Variants in ASTN2 observed in about 807,000 individuals in gnomAD.
ASTN2 encodes astrotactin 2, also known as astrotactin-2.
Under a neutral mutation model 139.8 loss-of-function variants are expected in ASTN2, and 54 were observed. That is an observed-to-expected ratio of 0.39 (90% CI 0.31 to 0.48). ASTN2 has a LOEUF of 0.48. ASTN2 is among the 20% of genes least tolerant of loss of function. The pLI, the probability that ASTN2 is intolerant of heterozygous loss-of-function variation, is 0.95. For missense variants in ASTN2, 1,565 were observed against 1,725.1 expected (o/e 0.91, Z 1.64); for synonymous variants, 756 against 719.5 (o/e 1.05, Z -0.81).
At chr9:116,502,291 A>G (rs938820880) in intron 19 of ASTN2, among the ~76,000 whole-genome samples, 1 of 151,980 alleles carries the variant, frequency 6.6e-6, no homozygotes, top group African/African-American at 2.4e-5. Context: ...GAGACACACA[A>G]CACACAGACA....
intron 20 of ASTN2, among the ~76,000 whole-genome samples, chr9:116,470,637 G>A: frequency 6.6e-6 from 1 of 152,142 alleles, no homozygotes; most frequent in Middle Eastern, 3.2e-3. Flanking sequence ...TCATATCATT[G>A]ATTCTTTTAT....
chr9:116,916,449 C>G (rs1032270086), intron 10 of ASTN2, among the ~76,000 whole-genome samples: 1 of 152,146 alleles, frequency 6.6e-6, no homozygotes, highest in Non-Finnish European at 1.5e-5. Flanking sequence ...ACAGCTTGCC[C>G]AAGATCAGTG....
intron 19 of ASTN2, among the ~76,000 whole-genome samples, chr9:116,507,186 C>T (rs1468125952): frequency 6.6e-6 from 1 of 152,152 alleles, no homozygotes; most frequent in Non-Finnish European, 1.5e-5. Flanking sequence ...TCCAAACTTA[C>T]ACCAATAGTG....
chr9:116,565,671 C>G (rs1853196113), intron 19 of ASTN2, among the ~76,000 whole-genome samples: 1 of 151,522 alleles, frequency 6.6e-6, no homozygotes, highest in South Asian at 2.1e-4. Context: ...TTAGCAGAGA[C>G]AGGGTCTCGC....
At chr9:116,945,781 C>A (rs538700392) in intron 10 of ASTN2, among the ~76,000 whole-genome samples, 8 of 152,170 alleles carry the variant, frequency 5.3e-5, no homozygotes, top group Non-Finnish European at 1.2e-4. Flanking sequence ...TTTTGTGTAT[C>A]AAGGAGTCTT....
chr9:116,820,817 C>A, intron 11 of ASTN2, 34 bp from the exon 12 acceptor site: 1 of 1,590,070 alleles, frequency 6.3e-7, no homozygotes, highest in South Asian at 1.1e-5. Context: ...GTAGTTATGG[C>A]TTGGGAGGTT....
Position 116,657,888 on chromosome 9 carries a change from A to AT in ASTN2, c.2807-6096dup, listed in dbSNP as rs113620338. Reference sequence around the variant, plus strand: ...AAAAGAGAGGTCAGAAAGTAGCAAGATTTTTTTTTTTTTTTTTGAGATGGA... The same window carrying AT: ...AAAAGAGAGGTCAGAAAGTAGCAAGATTTTTTTTTTTTTTTTTTGAGATGGA... On this transcript the variant is annotated intron_variant, in intron 16 of 22. Transcript: ENST00000313400. Among the ~76,000 whole-genome samples the AT allele has an allele frequency of 8.1e-3, 1,089 of 135,046 alleles. 5 individuals are homozygous for AT. Among genetic ancestry groups the AT allele is most frequent in the African/African-American group, 0.019 (717 of 37,398 alleles). 88.6% of individuals were successfully genotyped at this position (135,046 alleles called of 152,430 possible). A position where few individuals can be genotyped will look rare whatever the true frequency, so the allele number is the denominator to read the frequency against.
chr9:117,306,350 G>T (rs1223649385), intron 1 of ASTN2, among the ~76,000 whole-genome samples: 1 of 152,172 alleles, frequency 6.6e-6, no homozygotes, highest in Non-Finnish European at 1.5e-5. Flanking sequence ...GAGAACAGGG[G>T]AGTTATCCCA....
chr9:116,625,503 C>T (rs1177224416), intron 17 of ASTN2, among the ~76,000 whole-genome samples: 3 of 152,192 alleles, frequency 2.0e-5, no homozygotes, highest in Admixed American at 2.0e-4. Flanking sequence ...TCTATAGGCA[C>T]TTGCCGTGGC....
intron 7 of ASTN2, among the ~76,000 whole-genome samples, chr9:117,006,800 G>A (rs1226013877): frequency 1.3e-5 from 2 of 151,756 alleles, no homozygotes; most frequent in African/African-American, 4.8e-5. Context: ...TCCCCATCCT[G>A]GCCCCACTAC....
intron 1 of ASTN2, among the ~76,000 whole-genome samples, chr9:117,385,148 A>G (rs759084785): frequency 6.6e-6 from 1 of 152,188 alleles, no homozygotes; most frequent in Non-Finnish European, 1.5e-5. Flanking sequence ...CACATGAATT[A>G]TAAGTACACA....
intron 11 of ASTN2, among the ~76,000 whole-genome samples, chr9:116,836,710 T>A (rs1179973728): frequency 6.6e-6 from 1 of 152,224 alleles, no homozygotes; most frequent in East Asian, 1.9e-4. Flanking sequence ...CTGACCACCA[T>A]GTCTTTCCTT....
rs755162966 is a variant in ASTN2 at position 116,979,591 on chromosome 9, G to A, written c.1592-2806C>T. On this transcript the variant is annotated intron_variant, in intron 7 of 22. Transcript: ENST00000313400. ...ATGAAATATTCACCACTTTAAACAC[G>A]TCTAATATTAAAGATTAAAAGTCCT... Among the ~76,000 whole-genome samples the A allele has an allele frequency of 2.3e-4, 35 of 152,092 alleles. 1 individual carries two copies. Among genetic ancestry groups the A allele is most frequent in the African/African-American group, 6.5e-4 (27 of 41,408 alleles).
intron 2 of ASTN2, among the ~76,000 whole-genome samples, chr9:117,286,522 A>T (rs1181050413): frequency 6.6e-6 from 1 of 152,098 alleles, no homozygotes; most frequent in African/African-American, 2.4e-5. Context: ...GGATACCAAC[A>T]CTAAAAGAAC....
rs547357106 is a variant in ASTN2 at position 116,727,520 on chromosome 9, G to A, written c.2626+1472C>T. 1.3e-4 allele frequency among the ~76,000 whole-genome samples: 14 copies of A among 106,870 alleles called. No individual in the cohort carries two copies. In the East Asian group the frequency reaches 4.2e-3, roughly 32 times the overall value. The allele number at this position is 106,870 out of a possible 152,430, so 70.1% of individuals were successfully genotyped here. On this transcript the variant is annotated intron_variant, in intron 15 of 22. Coordinates refer to ENST00000313400, the MANE Select transcript of ASTN2 (RefSeq NM_001365068.1). ...CTTATTCACAAATGCAGTGTGGGGT[G>A]TGGGGGGCAGAAAACAAAAATAGGG... is the stretch of plus-strand genomic sequence containing the variant.
chr9:116,876,647 C>A (rs1258290160), intron 10 of ASTN2, among the ~76,000 whole-genome samples: 9 of 152,180 alleles, frequency 5.9e-5, no homozygotes, highest in Admixed American at 5.9e-4. Context: ...AACTACCACC[C>A]TGATCAGTGA....
At chr9:116,618,748 TTA>T (rs1855979419) in intron 18 of ASTN2, among the ~76,000 whole-genome samples, 1 of 152,200 alleles carries the variant, frequency 6.6e-6, no homozygotes, top group South Asian at 2.1e-4. Context: ...CAATGGCAGT[TTA>T]TCAGTTTTCC....
intron 4 of ASTN2, among the ~76,000 whole-genome samples, chr9:117,106,479 G>T (rs1020628934): frequency 6.6e-6 from 1 of 151,872 alleles, no homozygotes; most frequent in Non-Finnish European, 1.5e-5. Flanking sequence ...GATTATAAAC[G>T]TGAGCCACTG....
At chr9:117,040,635 T>C (rs952117897) in intron 5 of ASTN2, among the ~76,000 whole-genome samples, 5 of 152,086 alleles carry the variant, frequency 3.3e-5, no homozygotes, top group African/African-American at 1.2e-4. Flanking sequence ...ATTTTTGTAT[T>C]TTTAGTAGAG....
Sources: allele counts gnomAD v4.1 joint callset (sites outside exome capture counted in the v4.1 genomes callset), GRCh38; gene constraint gnomAD v4.1.1; transcripts MANE v1.5; gene names NCBI Gene and HGNC (gene_info 2026-07-23, HGNC 2026-07-21).